RSPO2: variants seen among roughly 807,000 people sequenced by gnomAD.
The protein encoded by RSPO2 is R-spondin-2.
RSPO2 carries 14 observed loss-of-function variants against 30.9 expected under a neutral mutation model. The ratio of observed to expected loss-of-function variants is 0.45; its 90% CI spans 0.30 to 0.71. RSPO2 has a LOEUF of 0.71. Ranked by LOEUF, RSPO2 falls within the 30% of genes least tolerant of loss-of-function variation. The pLI, the probability that RSPO2 is intolerant of heterozygous loss-of-function variation, is 0.08. For synonymous variants in RSPO2, 107 were observed against 96.4 expected, an observed-to-expected ratio of 1.11 and a Z score of -0.64; for missense variants, 264 against 301.9, an observed-to-expected ratio of 0.87 and a Z score of 0.93.
intron 2 of RSPO2, among the ~76,000 whole-genome samples, chr8:108,055,476 C>T (rs1812215905): frequency 6.6e-6 from 1 of 151,998 alleles, no homozygotes; most frequent in African/African-American, 2.4e-5. Flanking sequence ...TCTTGGCTGT[C>T]CTAAGGAGAA....
chr8:107,973,094 C>A (rs1236383587), intron 3 of RSPO2, among the ~76,000 whole-genome samples: 1 of 152,000 alleles, frequency 6.6e-6, no homozygotes, highest in Non-Finnish European at 1.5e-5. Context: ...CACGGTGAAA[C>A]CTCATCTCTA....
intron 2 of RSPO2, among the ~76,000 whole-genome samples, chr8:108,000,907 C>A (rs949555630): frequency 6.6e-6 from 1 of 152,032 alleles, no homozygotes; most frequent in Non-Finnish European, 1.5e-5. Flanking sequence ...GAGGCTGAGG[C>A]AGGAGAATGG....
At chr8:108,037,916 G>A (rs1414683909) in intron 2 of RSPO2, among the ~76,000 whole-genome samples, 2 of 152,172 alleles carry the variant, frequency 1.3e-5, no homozygotes, top group Non-Finnish European at 2.9e-5. Context: ...GAGCTCTGAT[G>A]GAGATGTACA....
At chr8:107,906,520 A>G (rs770603887) in intron 5 of RSPO2, among the ~76,000 whole-genome samples, 7 of 151,968 alleles carry the variant, frequency 4.6e-5, no homozygotes, top group Admixed American at 1.3e-4. Flanking sequence ...CATTCCTACT[A>G]TGATGGAAAT....
intron 3 of RSPO2, among the ~76,000 whole-genome samples, chr8:107,966,382 G>A (rs1173605148): frequency 6.6e-6 from 1 of 152,126 alleles, no homozygotes; most frequent in East Asian, 1.9e-4. Context: ...TCAGTCCACT[G>A]AGGGGAAAGC....
At chr8:108,008,063 C>A (rs986272599) in intron 2 of RSPO2, among the ~76,000 whole-genome samples, 2 of 152,148 alleles carry the variant, frequency 1.3e-5, no homozygotes, top group African/African-American at 4.8e-5. Context: ...CATGCCTGCA[C>A]ACACATACAC....
At chr8:108,076,869 T>C (rs2130734481) in intron 2 of RSPO2, among the ~76,000 whole-genome samples, 1 of 151,942 alleles carries the variant, frequency 6.6e-6, no homozygotes, top group Non-Finnish European at 1.5e-5. Flanking sequence ...TGAATAAAGG[T>C]GAAGAAACAC....
chr8:107,945,374 G>A (rs648080), intron 5 of RSPO2, among the ~76,000 whole-genome samples: 64,101 of 148,654 alleles, frequency 0.43, 14,330 homozygotes, highest in East Asian at 0.68. Context: ...TCAGCCTCCC[G>A]AGTAGCTGAG....
intron 2 of RSPO2, among the ~76,000 whole-genome samples, chr8:108,035,298 ACT>A (rs900763135): frequency 2.0e-5 from 3 of 151,748 alleles, no homozygotes; most frequent in African/African-American, 7.3e-5. Context: ...CTGTGCGTCA[ACT>A]CTTTTTTTGG....
At chr8:107,974,732 A>C (rs1344758208) in intron 3 of RSPO2, among the ~76,000 whole-genome samples, 1 of 152,092 alleles carries the variant, frequency 6.6e-6, no homozygotes, top group Non-Finnish European at 1.5e-5. Flanking sequence ...GGAGGGGGGA[A>C]GAAGAAGAAA....
intron 3 of RSPO2, among the ~76,000 whole-genome samples, chr8:107,987,762 G>C (rs1814695864): frequency 6.6e-6 from 1 of 152,080 alleles, no homozygotes; most frequent in Non-Finnish European, 1.5e-5. Flanking sequence ...GCCCCCACTA[G>C]TTCTGCCACC....
chr8:107,926,881 T>C (rs1018329415), intron 5 of RSPO2, among the ~76,000 whole-genome samples: 5 of 152,210 alleles, frequency 3.3e-5, no homozygotes, highest in African/African-American at 1.2e-4. Flanking sequence ...CAATGCGAGC[T>C]CTTTTTTGGT....
At chr8:108,033,375 T>C (rs1811491175) in intron 2 of RSPO2, among the ~76,000 whole-genome samples, 2 of 152,180 alleles carry the variant, frequency 1.3e-5, no homozygotes, top group Admixed American at 1.3e-4. Flanking sequence ...TGTGCCTGAA[T>C]CACTGTAAGA....
chr8:107,963,431 G>C (rs1813695130), intron 3 of RSPO2, among the ~76,000 whole-genome samples: 1 of 146,600 alleles, frequency 6.8e-6, no homozygotes, highest in Non-Finnish European at 1.5e-5. Context: ...GGCTGAAGCA[G>C]GAGGATCACT....
chr8:107,906,862 TAATAATCAAGCG>T (rs1318429311), intron 5 of RSPO2, among the ~76,000 whole-genome samples: 2 of 152,006 alleles, frequency 1.3e-5, no homozygotes, highest in Non-Finnish European at 2.9e-5. Flanking sequence ...TTAATCAAGC[TAATAATCAAGCG>T]AATTAACACA....
intron 5 of RSPO2, among the ~76,000 whole-genome samples, chr8:107,943,140 C>G (rs912200160): frequency 5.9e-5 from 9 of 152,256 alleles, no homozygotes; most frequent in African/African-American, 2.2e-4. Context: ...CCGAGCCCAA[C>G]ATTGAACATT....
chr8:107,997,475 T>G (rs989907151), intron 2 of RSPO2, among the ~76,000 whole-genome samples: 5 of 152,186 alleles, frequency 3.3e-5, no homozygotes, highest in Non-Finnish European at 5.9e-5. Flanking sequence ...CAAAACAGTT[T>G]TCTAAATCTA....
At chr8:107,955,742 A>T (rs1813410382) in intron 5 of RSPO2, among the ~76,000 whole-genome samples, 1 of 152,216 alleles carries the variant, frequency 6.6e-6, no homozygotes, top group South Asian at 2.1e-4. Context: ...CCTCTAACTT[A>T]TGCCTTTCAG....
intron 2 of RSPO2, among the ~76,000 whole-genome samples, chr8:108,042,609 T>C (rs1440264303): frequency 2.0e-5 from 3 of 152,126 alleles, no homozygotes. Context: ...AACTTTGTGA[T>C]TAACATAGCT....
Sources: allele counts gnomAD v4.1 joint callset (sites outside exome capture counted in the v4.1 genomes callset), GRCh38; gene constraint gnomAD v4.1.1; transcripts MANE v1.5; gene names NCBI Gene and HGNC (gene_info 2026-07-23, HGNC 2026-07-21).